Variants in EYA2 observed in about 807,000 individuals in gnomAD.
The protein encoded by EYA2 is EYA transcriptional coactivator and phosphatase 2.
Under a neutral mutation model 69.2 loss-of-function variants are expected in EYA2, and 31 were observed. The observed-to-expected ratio is 0.45, with a 90% CI of 0.34 to 0.60. The LOEUF (loss-of-function observed/expected upper bound fraction) is 0.60, where lower values mean the gene tolerates loss of function less well. Among genes scored for constraint, EYA2 ranks in the 20% least tolerant of loss-of-function variants. The pLI is 0.02. For missense variants in EYA2, 622 were observed against 701.2 expected (o/e 0.89, Z 1.28); for synonymous variants, 257 against 279.4 (o/e 0.92, Z 0.80).
intron 12 of EYA2, among the ~76,000 whole-genome samples, chr20:47,178,899 T>C (rs563956146): frequency 4.0e-5 from 6 of 149,270 alleles, no homozygotes; most frequent in Non-Finnish European, 8.9e-5. Flanking sequence ...TAGGTGTCTA[T>C]TATTTTCTCC....
chr20:47,109,333 G>A (rs999194319), intron 9 of EYA2, among the ~76,000 whole-genome samples: 1 of 152,070 alleles, frequency 6.6e-6, no homozygotes, highest in Non-Finnish European at 1.5e-5. Flanking sequence ...TCCACACAAG[G>A]CCCCTTTCTT....
intron 5 of EYA2, among the ~76,000 whole-genome samples, chr20:47,044,206 T>G (rs571041435): frequency 5.1e-4 from 78 of 152,318 alleles, no homozygotes; most frequent in Non-Finnish European, 8.2e-4. Flanking sequence ...GGCGTTAAGG[T>G]GTCTTGAGAA....
intron 2 of EYA2, among the ~76,000 whole-genome samples, chr20:46,992,807 T>C (rs1297622375): frequency 6.6e-6 from 1 of 152,114 alleles, no homozygotes; most frequent in Admixed American, 6.5e-5. Flanking sequence ...ACACACACTT[T>C]CTTTCTCATG....
intron 9 of EYA2, among the ~76,000 whole-genome samples, chr20:47,129,447 G>A (rs891436620): frequency 6.6e-6 from 1 of 152,190 alleles, no homozygotes; most frequent in Admixed American, 6.5e-5. Context: ...GGGGATTTCA[G>A]GCTGAGGAAC....
intron 1 of EYA2, among the ~76,000 whole-genome samples, chr20:46,929,294 G>A (rs1435994525): frequency 6.6e-6 from 1 of 152,120 alleles, no homozygotes; most frequent in Non-Finnish European, 1.5e-5. Flanking sequence ...GAAGGAACTG[G>A]GAACTGTTTA....
intron 5 of EYA2, among the ~76,000 whole-genome samples, chr20:47,041,600 G>A (rs759723544): frequency 2.6e-4 from 39 of 152,172 alleles, no homozygotes; most frequent in Non-Finnish European, 4.6e-4. Flanking sequence ...TCTGAATTCT[G>A]TCTGAGAGAA....
intron 5 of EYA2, among the ~76,000 whole-genome samples, chr20:47,051,706 C>T (rs1249193185): frequency 6.6e-6 from 1 of 152,172 alleles, no homozygotes; most frequent in Non-Finnish European, 1.5e-5. Flanking sequence ...TATATTTATG[C>T]ACCCTCAGCC....
At chr20:47,084,936 A>G (rs1285276623) in intron 7 of EYA2, among the ~76,000 whole-genome samples, 1 of 151,304 alleles carries the variant, frequency 6.6e-6, no homozygotes, top group Non-Finnish European at 1.5e-5. Flanking sequence ...CCTGGGCTCA[A>G]GTGATCCTCT....
chr20:47,060,853 T>C lies in EYA2; in HGVS notation c.416-11332T>C, dbSNP rs1477496438. On this transcript the variant is annotated intron_variant, in intron 5 of 15. Transcript: ENST00000327619. ...TCTTCATCAATCGCTCTCTCTCTCT[T>C]TTTTTTTTTTTTTTTTTTGGAAATG... Among the ~76,000 whole-genome samples, 394 of 56,202 alleles carry C rather than the reference T, an allele frequency of 7.0e-3. 4 individuals are homozygous for C. The highest frequency in any genetic ancestry group is 0.044 in the African/African-American group (342 of 7,834). The allele number at this position is 56,202 out of a possible 152,430, so 36.9% of individuals were successfully genotyped here.
intron 5 of EYA2, among the ~76,000 whole-genome samples, chr20:47,069,948 A>G (rs911167072): frequency 6.6e-6 from 1 of 152,200 alleles, no homozygotes; most frequent in Non-Finnish European, 1.5e-5. Context: ...ATAGACCTAA[A>G]TACAAGAATA....
chr20:46,981,775 G>A (rs957044206), intron 1 of EYA2, among the ~76,000 whole-genome samples: 4 of 151,920 alleles, frequency 2.6e-5, no homozygotes, highest in African/African-American at 9.7e-5. Flanking sequence ...TTGAATCCTT[G>A]CTTTGAATCT....
chr20:47,137,722 G>T (rs928968169), intron 9 of EYA2, among the ~76,000 whole-genome samples: 19 of 152,222 alleles, frequency 1.2e-4, no homozygotes, highest in African/African-American at 4.6e-4. Flanking sequence ...AATTAATACT[G>T]AGTCACCACC....
chr20:47,123,396 C>T (rs1433458158), intron 9 of EYA2, among the ~76,000 whole-genome samples: 4 of 152,038 alleles, frequency 2.6e-5, no homozygotes, highest in Admixed American at 6.6e-5. Flanking sequence ...ACCAGGTCCA[C>T]GCACGTTTAT....
At chr20:47,036,788 G>T (rs1255126798) in intron 5 of EYA2, among the ~76,000 whole-genome samples, 1 of 152,088 alleles carries the variant, frequency 6.6e-6, no homozygotes, top group African/African-American at 2.4e-5. Flanking sequence ...AAGTACAGGG[G>T]TTCAGAATGT....
intron 1 of EYA2, among the ~76,000 whole-genome samples, chr20:46,942,541 A>G (rs994984617): frequency 6.6e-6 from 1 of 152,202 alleles, no homozygotes; most frequent in African/African-American, 2.4e-5. Flanking sequence ...GGAACACCTC[A>G]AAAGCCTCCA....
chr20:47,173,510 A>T (rs200366337), intron 12 of EYA2, among the ~76,000 whole-genome samples: 4 of 34,936 alleles, frequency 1.1e-4, no homozygotes, highest in East Asian at 7.9e-4. Flanking sequence ...GAGACCCCGT[A>T]AAAAAAAAAA....
intron 3 of EYA2, among the ~76,000 whole-genome samples, chr20:47,004,029 A>C (rs1357883746): frequency 6.6e-6 from 1 of 152,220 alleles, no homozygotes; most frequent in African/African-American, 2.4e-5. Flanking sequence ...GCTTGGCAGC[A>C]CCCATAGTAT....
chr20:47,152,340 C>T (rs1230696359), intron 10 of EYA2, among the ~76,000 whole-genome samples: 1 of 151,732 alleles, frequency 6.6e-6, no homozygotes, highest in African/African-American at 2.4e-5. Context: ...CAGCCCTGCT[C>T]CTTAGCAGTG....
Position 47,179,646 on chromosome 20 carries a change from A to G in EYA2, c.1199-152A>G, listed in dbSNP as rs374960765. On this transcript the variant is annotated intron_variant, in intron 12 of 15. Coordinates refer to ENST00000327619, the MANE Select transcript of EYA2 (RefSeq NM_005244.5). ...AATCTATCAATCTGTTGATCTCAGG[A>G]TAAGATTGAGAGAAGCCACTGGATT... 8.5e-5 allele frequency: 50 copies of G among 585,892 alleles called. No individual in the cohort carries two copies. The African/African-American group carries it at 8.7e-4, about 10-fold the overall frequency. 36.3% of individuals were successfully genotyped at this position (585,892 alleles called of 1,614,324 possible).
Sources: allele counts gnomAD v4.1 joint callset (sites outside exome capture counted in the v4.1 genomes callset), GRCh38; gene constraint gnomAD v4.1.1; transcripts MANE v1.5; gene names NCBI Gene and HGNC (gene_info 2026-07-23, HGNC 2026-07-21).